GOLPH3: variants seen among roughly 807,000 people sequenced by gnomAD.
GOLPH3 encodes the protein coat protein GPP34.
A neutral mutation model predicts 28.5 loss-of-function variants in GOLPH3; 14 were observed. The ratio of observed to expected loss-of-function variants is 0.49; its 90% CI spans 0.32 to 0.77. The LOEUF is 0.77. Among genes scored for constraint, GOLPH3 ranks in the 30% least tolerant of loss-of-function variants. The pLI, the probability that GOLPH3 is intolerant of heterozygous loss-of-function variation, is 0.03. For missense variants in GOLPH3, 350 were observed against 393.7 expected (o/e 0.89, Z 0.94); for synonymous variants, 158 against 159.2 (o/e 0.99, Z 0.06).
At chr5:32,166,103 A>G (rs183606610) in intron 1 of GOLPH3, among the ~76,000 whole-genome samples, 2 of 152,366 alleles carry the variant, frequency 1.3e-5, no homozygotes, top group East Asian at 3.8e-4. Context: ...GAGAATTCAC[A>G]AAGTTTCTCA....
At chr5:32,146,690 GAT>G (rs1170351714) in intron 1 of GOLPH3, among the ~76,000 whole-genome samples, 1 of 152,084 alleles carries the variant, frequency 6.6e-6, no homozygotes, top group African/African-American at 2.4e-5. Context: ...TCATAACAGG[GAT>G]ATAACCGGAA....
At chr5:32,171,878 G>C (rs1581561296) in intron 1 of GOLPH3, among the ~76,000 whole-genome samples, 1 of 151,954 alleles carries the variant, frequency 6.6e-6, no homozygotes. Context: ...AACCCGGGAG[G>C]GGGAGGTTGC....
rs553698655 is a variant in GOLPH3 at position 32,159,810 on chromosome 5, A to C, written c.225+14000T>G. 2.0e-5 allele frequency among the ~76,000 whole-genome samples: 3 copies of C among 152,328 alleles called. No individual in the cohort carries two copies. The South Asian group carries it at 6.2e-4, about 32-fold the overall frequency. Reference sequence around the variant, plus strand: ...ATTTGAAAAATCTGAGGTTTAGAGAAAGTAAGAAATATGACTACATTCACA... The same window carrying C: ...ATTTGAAAAATCTGAGGTTTAGAGACAGTAAGAAATATGACTACATTCACA... On this transcript the variant is annotated intron_variant, in intron 1 of 3. Coordinates refer to ENST00000265070, the MANE Select transcript of GOLPH3 (RefSeq NM_022130.4).
chr5:32,170,742 C>T (rs1426317309), intron 1 of GOLPH3, among the ~76,000 whole-genome samples: 2 of 151,932 alleles, frequency 1.3e-5, no homozygotes, highest in African/African-American at 4.8e-5. Flanking sequence ...TGAGTGCAGC[C>T]TGGGCAACAT....
rs1322777313 is a variant in GOLPH3, at chr5:32,129,425, T to C, written c.473-2789A>G. ...GTGCAGAATAAACATTCTGGCAGAA[T>C]TTATAGTATTTATAATGTTCTAAGA... On this transcript the variant is annotated intron_variant, in intron 3 of 3. Coordinates refer to ENST00000265070, the MANE Select transcript of GOLPH3 (RefSeq NM_022130.4). Among the ~76,000 whole-genome samples, 5 of 152,198 alleles carry C rather than the reference T, an allele frequency of 3.3e-5. No individual in the cohort carries two copies. The East Asian group carries it at 9.6e-4, about 29-fold the overall frequency.
intron 1 of GOLPH3, among the ~76,000 whole-genome samples, chr5:32,164,897 ATTCT>A (rs1233695946): frequency 2.2e-5 from 3 of 136,038 alleles, no homozygotes; most frequent in East Asian, 2.1e-4. Context: ...TAAATTATGT[ATTCT>A]TTTTTTTTTT....
intron 3 of GOLPH3, among the ~76,000 whole-genome samples, chr5:32,133,626 T>C (rs1241542507): frequency 2.0e-5 from 3 of 152,228 alleles, no homozygotes; most frequent in Non-Finnish European, 2.9e-5. Context: ...ATATTTAACA[T>C]ATAGAGTTGA....
intron 1 of GOLPH3, among the ~76,000 whole-genome samples, chr5:32,161,817 G>A (rs1472439924): frequency 6.6e-6 from 1 of 150,782 alleles, no homozygotes; most frequent in African/African-American, 2.5e-5. Context: ...CACGAGGTCA[G>A]GAGATCAAAA....
chr5:32,132,303 C>CT (rs1390425585), intron 3 of GOLPH3, among the ~76,000 whole-genome samples: 2 of 152,148 alleles, frequency 1.3e-5, no homozygotes, highest in African/African-American at 4.8e-5. Flanking sequence ...AAATGAGCCC[C>CT]TGGGTATCCT....
intron 1 of GOLPH3, among the ~76,000 whole-genome samples, chr5:32,152,833 T>G (rs78801267): frequency 6.7e-6 from 1 of 149,452 alleles, no homozygotes; most frequent in Non-Finnish European, 1.5e-5. Flanking sequence ...CTTGACAGCA[T>G]AGTTGGCAAA....
chr5:32,157,834 G>C (rs574025376), intron 1 of GOLPH3, among the ~76,000 whole-genome samples: 2 of 151,760 alleles, frequency 1.3e-5, no homozygotes, highest in Admixed American at 1.3e-4. Context: ...AAAATTAGCC[G>C]GGCATGGTGG....
At chr5:32,147,693 G>GT (rs1396583001) in intron 1 of GOLPH3, among the ~76,000 whole-genome samples, 1 of 152,158 alleles carries the variant, frequency 6.6e-6, no homozygotes, top group Non-Finnish European at 1.5e-5. Flanking sequence ...TATAGTTATA[G>GT]TTGTTCAAGC....
intron 1 of GOLPH3, among the ~76,000 whole-genome samples, chr5:32,152,035 G>A (rs1746319923): frequency 6.6e-6 from 1 of 152,190 alleles, no homozygotes; most frequent in Admixed American, 6.5e-5. Flanking sequence ...GGATAGTGGT[G>A]ATGACGGCAC....
At chr5:32,172,956 A>G (rs1746876966) in intron 1 of GOLPH3, among the ~76,000 whole-genome samples, 1 of 152,238 alleles carries the variant, frequency 6.6e-6, no homozygotes, top group Non-Finnish European at 1.5e-5. Context: ...TGTATCTATC[A>G]CTTTTTCAAC....
chr5:32,170,673 T>A (rs1746812794), intron 1 of GOLPH3, among the ~76,000 whole-genome samples: 1 of 152,064 alleles, frequency 6.6e-6, no homozygotes, highest in African/African-American at 2.4e-5. Flanking sequence ...TGAGTTGGCT[T>A]GATGGCATGC....
intron 1 of GOLPH3, among the ~76,000 whole-genome samples, chr5:32,145,246 C>T (rs1044641184): frequency 3.0e-4 from 45 of 152,142 alleles, no homozygotes; most frequent in Non-Finnish European, 3.2e-4. Flanking sequence ...GAGGCACAAG[C>T]GGATAAACAA....
intron 1 of GOLPH3, among the ~76,000 whole-genome samples, chr5:32,147,864 C>T (rs772347072): frequency 1.3e-5 from 2 of 152,104 alleles, no homozygotes; most frequent in Non-Finnish European, 2.9e-5. Flanking sequence ...AAACACCTGG[C>T]GATTCAAATC....
chr5:32,173,992 G>A lies in GOLPH3; in HGVS notation c.43C>T (p.Arg15Cys). 2 of 1,348,322 alleles carry A rather than the reference G, an allele frequency of 1.5e-6. No individual in the cohort carries two copies. The highest frequency in any genetic ancestry group is 1.9e-5 in the South Asian group (1 of 51,434). 83.5% of individuals were successfully genotyped at this position (1,348,322 alleles called of 1,614,324 possible). A position where few individuals can be genotyped will look rare whatever the true frequency, so the allele number is the denominator to read the frequency against. Residue 15 changes from arginine (R) to cysteine (C), a missense_variant, in exon 1 of 4, where the codon CGC (arginine) becomes TGC (cysteine). Coordinates refer to ENST00000265070, the MANE Select transcript of GOLPH3 (RefSeq NM_022130.4). ...GCGGCGTTGCGGGAGGCCTCGGTGC[G>A]CCGCTGCACCAGGCCGGAGCTGCGC... ...TQRSSGLVQR[R>C]TEASRNAADK...
chr5:32,142,834 T>C (rs1275978067), intron 2 of GOLPH3, among the ~76,000 whole-genome samples: 1 of 131,028 alleles, frequency 7.6e-6, no homozygotes, highest in African/African-American at 3.0e-5. Flanking sequence ...GTGGGGGGGG[T>C]CAGCCCCCCG....
Sources: gnomAD v4.1 joint callset for allele counts (sites outside exome capture counted in the v4.1 genomes callset) on GRCh38, gnomAD v4.1.1 for gene constraint, MANE v1.5 for transcripts, NCBI Gene and HGNC (gene_info 2026-07-23, HGNC 2026-07-21) for gene names.